The following PCNX2 variants were observed in gnomAD, a reference collection of about 807,000 sequenced individuals.
The protein encoded by PCNX2 is pecanex-like protein 2.
PCNX2 carries 168 observed loss-of-function variants against 223.8 expected under a neutral mutation model. The ratio of observed to expected loss-of-function variants is 0.75; its 90% confidence interval spans 0.66 to 0.85. PCNX2 has a LOEUF of 0.85. Ranked by LOEUF, PCNX2 falls within the 40% of genes least tolerant of loss-of-function variation. The pLI is 0.00. For missense variants in PCNX2, 2,507 were observed against 2,675.5 expected, an observed-to-expected ratio of 0.94 and a Z score of 1.39; for synonymous variants, 1,006 against 1,052.6, an observed-to-expected ratio of 0.96 and a Z score of 0.86.
At chr1:233,213,952 C>T (rs1572089464) in intron 12 of PCNX2, among the ~76,000 whole-genome samples, 2 of 151,324 alleles carry the variant, frequency 1.3e-5, no homozygotes, top group East Asian at 3.9e-4. Flanking sequence ...CCTCAGCCTC[C>T]CGAGTAGCTG....
chr1:233,049,771 C>T (rs1248326133), intron 25 of PCNX2, among the ~76,000 whole-genome samples: 1 of 152,024 alleles, frequency 6.6e-6, no homozygotes, highest in African/African-American at 2.4e-5. Context: ...TTTCAGGATA[C>T]AAAATCAATG....
intron 10 of PCNX2, among the ~76,000 whole-genome samples, chr1:233,226,836 G>T (rs1657756642): frequency 6.6e-6 from 1 of 152,088 alleles, no homozygotes; most frequent in Admixed American, 6.5e-5. Flanking sequence ...GTCAAGCCAG[G>T]CCCTGTGCTA....
intron 27 of PCNX2, 47 bp from the exon 28 acceptor site, chr1:233,014,824 G>C (rs750157011): frequency 1.4e-6 from 2 of 1,437,936 alleles, no homozygotes; most frequent in Non-Finnish European, 2.0e-6. Context: ...ATTCCAATAT[G>C]TACCAACACA....
intron 21 of PCNX2, among the ~76,000 whole-genome samples, chr1:233,103,137 T>A (rs1674586300): frequency 6.6e-6 from 1 of 152,106 alleles, no homozygotes; most frequent in South Asian, 2.1e-4. Flanking sequence ...GTTTTTAAGT[T>A]TTTAACTTTT....
In PCNX2 at chr1:233,218,025, T is replaced by G. The variant is rs1572095616; in HGVS notation, c.2658+6A>C. 6.2e-7 allele frequency: 1 copy of G among 1,610,610 alleles called. No homozygotes were observed. Among genetic ancestry groups the G allele is most frequent in the Non-Finnish European group, 8.5e-7 (1 of 1,178,436 alleles). ...CGCTACTGGTAAGAATTAGATGTGG[T>G]CTTGCCTTTAGCAGGGAGTACTGGC... On this transcript the variant is annotated splice_donor_region_variant and intron_variant, in intron 11 of 33. Transcript: ENST00000258229.
chr1:233,178,976 T>C (rs116531594), intron 16 of PCNX2, 90 bp downstream of exon 16: 2 of 1,122,642 alleles, frequency 1.8e-6, no homozygotes, highest in Admixed American at 1.9e-5. Flanking sequence ...GGGCAGTGAA[T>C]TGCTGTCTGC....
chr1:233,161,450 G>T, intron 17 of PCNX2, 87 bp from the exon 18 acceptor site: 2 of 1,135,440 alleles, frequency 1.8e-6, no homozygotes, highest in Non-Finnish European at 2.6e-6. Flanking sequence ...GCAGGACATT[G>T]ACCCAAGATA....
chr1:233,045,866 C>G (rs1311337525), intron 25 of PCNX2, among the ~76,000 whole-genome samples: 1 of 152,230 alleles, frequency 6.6e-6, no homozygotes, highest in East Asian at 1.9e-4. Context: ...CAAGAAGTGA[C>G]TCCTTCACAG....
intron 1 of PCNX2, among the ~76,000 whole-genome samples, chr1:233,280,518 G>A (rs1040638557): frequency 2.0e-5 from 3 of 152,048 alleles, no homozygotes; most frequent in Non-Finnish European, 2.9e-5. Context: ...GACTGGTCTC[G>A]AACTCCTGAC....
At chr1:233,148,360 C>T (rs1393749728) in intron 19 of PCNX2, among the ~76,000 whole-genome samples, 1 of 151,848 alleles carries the variant, frequency 6.6e-6, no homozygotes, top group Non-Finnish European at 1.5e-5. Context: ...ATCACCAAGC[C>T]CAAACTTTTG....
At chr1:233,089,875 T>G (rs1673782424) in intron 23 of PCNX2, 186 bp downstream of exon 23, 33 of 1,380,058 alleles carry the variant, frequency 2.4e-5, no homozygotes, top group Non-Finnish European at 3.0e-5. Flanking sequence ...GTCATGTTCT[T>G]TCCAGATCCC....
chr1:233,036,525 G>A (rs530050227), intron 25 of PCNX2, among the ~76,000 whole-genome samples: 16 of 151,976 alleles, frequency 1.1e-4, no homozygotes, highest in African/African-American at 2.9e-4. Flanking sequence ...AGCTATTTGG[G>A]AGGCTGAGGC....
intron 12 of PCNX2, among the ~76,000 whole-genome samples, chr1:233,210,015 T>C (rs950361853): frequency 6.6e-6 from 1 of 152,218 alleles, no homozygotes; most frequent in Non-Finnish European, 1.5e-5. Context: ...TTTTTTTTCT[T>C]TGATTAAAAG....
chr1:232,993,847 T>G (rs1471255034), intron 32 of PCNX2, among the ~76,000 whole-genome samples: 1 of 152,238 alleles, frequency 6.6e-6, no homozygotes, highest in East Asian at 1.9e-4. Context: ...AAGTACAGCT[T>G]GGGCCATTGC....
At chr1:233,279,929 T>C (rs1661103746) in intron 1 of PCNX2, among the ~76,000 whole-genome samples, 1 of 152,266 alleles carries the variant, frequency 6.6e-6, no homozygotes, top group Non-Finnish European at 1.5e-5. Context: ...ACCTGTTCTT[T>C]ACCTCCTTCT....
Position 233,211,689 on chromosome 1 carries a change from C to G in PCNX2, c.2692-3000G>C, listed in dbSNP as rs146032806. The G allele has an allele frequency of 5.9e-6, 5 of 851,016 alleles. No homozygotes were observed. The African/African-American group carries it at 9.2e-5, about 16-fold the overall frequency. 52.7% of individuals were successfully genotyped at this position (851,016 alleles called of 1,614,324 possible). A position where few individuals can be genotyped will look rare whatever the true frequency, so the allele number is the denominator to read the frequency against. ...AAGGACTGGAGCCCCATTTGCCTGG[C>G]TTCCTCTACCAACCATGGGGAGGCA... On this transcript the variant is annotated intron_variant, in intron 12 of 33. Coordinates refer to ENST00000258229, the MANE Select transcript of PCNX2 (RefSeq NM_014801.4).
At chr1:233,059,382 T>C (rs1672320519) in intron 23 of PCNX2, among the ~76,000 whole-genome samples, 1 of 152,190 alleles carries the variant, frequency 6.6e-6, no homozygotes, top group African/African-American at 2.4e-5. Flanking sequence ...TGGCTTATTA[T>C]TGCCTCAAAA....
At chr1:233,083,004 T>C (rs1300283369) in intron 23 of PCNX2, among the ~76,000 whole-genome samples, 1 of 152,184 alleles carries the variant, frequency 6.6e-6, no homozygotes, top group Admixed American at 6.5e-5. Context: ...AACTTCCTCT[T>C]TTCAGTAAAC....
Position 233,079,140 on chromosome 1 carries a change from G to A in PCNX2, c.4076+10921C>T, listed in dbSNP as rs75332367. ...ACTCAGCCCTGGAGGTACAATAGGG[G>A]ATGGATGCCAGCACCTTCTCTGGCA... On this transcript the variant is annotated intron_variant, in intron 23 of 33. Transcript: ENST00000258229. Among the ~76,000 whole-genome samples the A allele has an allele frequency of 5.4e-4, 82 of 152,290 alleles. No homozygotes were observed. The East Asian group carries it at 0.016, about 29-fold the overall frequency.
Sources: gnomAD v4.1 joint callset for allele counts (sites outside exome capture counted in the v4.1 genomes callset) on GRCh38, gnomAD v4.1.1 for gene constraint, MANE v1.5 for transcripts, NCBI Gene and HGNC (gene_info 2026-07-23, HGNC 2026-07-21) for gene names.